GHR: variants seen among roughly 807,000 people sequenced by gnomAD.
GHR encodes growth hormone receptor.
GHR carries 35 observed loss-of-function variants against 67.1 expected under a neutral mutation model. That is an observed-to-expected ratio of 0.52 (90% confidence interval 0.40 to 0.69). The LOEUF (loss-of-function observed/expected upper bound fraction) is 0.69, where lower values mean the gene tolerates loss of function less well. GHR is among the 30% of genes least tolerant of loss of function. The pLI, the probability that GHR is intolerant of heterozygous loss-of-function variation, is 0.00. For synonymous variants in GHR, 272 were observed against 269.1 expected (o/e 1.01, Z -0.10); for missense variants, 792 against 764.6 (o/e 1.04, Z -0.42).
chr5:42,558,007 CA>C, intron 1 of GHR, among the ~76,000 whole-genome samples: 1 of 152,314 alleles, frequency 6.6e-6, no homozygotes, highest in South Asian at 2.1e-4. Context: ...AGCTTAAAAA[CA>C]GCCCTGAGAG....
At chr5:42,443,126 G>A (rs1257509021) in intron 1 of GHR, among the ~76,000 whole-genome samples, 2 of 152,212 alleles carry the variant, frequency 1.3e-5, no homozygotes, top group East Asian at 3.8e-4. Flanking sequence ...TGGGGCTTGA[G>A]TTTCTAAAAG....
intron 1 of GHR, among the ~76,000 whole-genome samples, chr5:42,427,735 G>T (rs1370121235): frequency 6.6e-6 from 1 of 152,184 alleles, no homozygotes; most frequent in African/African-American, 2.4e-5. Flanking sequence ...AAAATCAAAA[G>T]CAAGTTAGTT....
chr5:42,561,359 C>T (rs1366775218), intron 1 of GHR, among the ~76,000 whole-genome samples: 1 of 152,160 alleles, frequency 6.6e-6, no homozygotes, highest in Non-Finnish European at 1.5e-5. Context: ...CTCCATAGTG[C>T]CTTGCTCAGT....
In GHR at chr5:42,592,792, A is replaced by G. The variant is rs149494463; in HGVS notation, c.70+26848A>G. 3.9e-3 allele frequency among the ~76,000 whole-genome samples: 601 copies of G among 152,262 alleles called. 3 individuals carry two copies. The highest frequency in any genetic ancestry group is 0.014 in the African/African-American group (575 of 41,562). ...GATTGTTGGGTAAAATAGCAGTTCT[A>G]TTTTAAGTTATTTGAGAAATCTTCA... On this transcript the variant is annotated intron_variant, in intron 2 of 9. Transcript: ENST00000230882.
intron 8 of GHR, among the ~76,000 whole-genome samples, chr5:42,715,682 T>C (rs1426168697): frequency 6.6e-6 from 1 of 152,234 alleles, no homozygotes; most frequent in Non-Finnish European, 1.5e-5. Flanking sequence ...TATTTTGTTA[T>C]TTTATTTTAA....
chr5:42,658,267 C>T (rs574481741), intron 3 of GHR, among the ~76,000 whole-genome samples: 4 of 152,206 alleles, frequency 2.6e-5, no homozygotes, highest in East Asian at 3.9e-4. Flanking sequence ...GGCAGTGCTA[C>T]CTATGGGAAG....
chr5:42,623,656 C>G (rs1013959614), intron 2 of GHR, among the ~76,000 whole-genome samples: 1 of 152,212 alleles, frequency 6.6e-6, no homozygotes, highest in Non-Finnish European at 1.5e-5. Flanking sequence ...AACAGATATT[C>G]CATTGTTCCT....
chr5:42,679,897 GAAA>G (rs1460077027), intron 3 of GHR, among the ~76,000 whole-genome samples: 1 of 152,108 alleles, frequency 6.6e-6, no homozygotes, highest in African/African-American at 2.4e-5. Flanking sequence ...AGGGGACTTG[GAAA>G]AATAATGATG....
intron 1 of GHR, among the ~76,000 whole-genome samples, chr5:42,563,145 C>G (rs1332347281): frequency 6.6e-6 from 1 of 152,228 alleles, no homozygotes; most frequent in Non-Finnish European, 1.5e-5. Flanking sequence ...CAAACCTGTT[C>G]ACATTCTTGC....
intron 3 of GHR, among the ~76,000 whole-genome samples, chr5:42,666,371 C>G (rs1755978882): frequency 6.6e-6 from 1 of 152,068 alleles, no homozygotes; most frequent in South Asian, 2.1e-4. Flanking sequence ...TGTTAATGAT[C>G]TATCTCTTAC....
intron 1 of GHR, among the ~76,000 whole-genome samples, chr5:42,508,571 T>A (rs1423675562): frequency 6.6e-6 from 1 of 152,018 alleles, no homozygotes; most frequent in African/African-American, 2.4e-5. Flanking sequence ...GCAGGAAGTT[T>A]GTTTGTTTGT....
At chr5:42,480,545 G>A (rs535586652) in intron 1 of GHR, among the ~76,000 whole-genome samples, 5 of 152,246 alleles carry the variant, frequency 3.3e-5, no homozygotes, top group Admixed American at 3.3e-4. Context: ...CGTCACTAAG[G>A]ACTTGCTTTA....
chr5:42,564,890 A>C (rs1241969277), intron 1 of GHR, among the ~76,000 whole-genome samples: 1 of 152,184 alleles, frequency 6.6e-6, no homozygotes, highest in East Asian at 1.9e-4. Context: ...GTTGCAGCTA[A>C]GCTTTAAAGT....
intron 6 of GHR, among the ~76,000 whole-genome samples, chr5:42,705,892 T>TC (rs1299188312): frequency 6.6e-6 from 1 of 152,140 alleles, no homozygotes; most frequent in African/African-American, 2.4e-5. Flanking sequence ...TGGTTTATAT[T>TC]CCTTCAGGTA....
intron 1 of GHR, among the ~76,000 whole-genome samples, chr5:42,528,239 A>G (rs537815890): frequency 6.6e-6 from 1 of 152,310 alleles, no homozygotes; most frequent in Admixed American, 6.5e-5. Flanking sequence ...TAAGAAAAAT[A>G]CATTAAAAAC....
intron 1 of GHR, among the ~76,000 whole-genome samples, chr5:42,435,318 C>T (rs1372761022): frequency 2.0e-5 from 3 of 152,070 alleles, no homozygotes; most frequent in African/African-American, 7.2e-5. Context: ...ATTATTGTCA[C>T]ATAGTAAAAA....
intron 1 of GHR, chr5:42,549,742 T>C: frequency 2.5e-6 from 2 of 792,466 alleles, no homozygotes; most frequent in Non-Finnish European, 3.1e-6. Flanking sequence ...GATGTACCTC[T>C]CTAAAAGTAC....
chr5:42,623,321 T>C (rs1013442106), intron 2 of GHR, among the ~76,000 whole-genome samples: 2 of 152,200 alleles, frequency 1.3e-5, no homozygotes, highest in Non-Finnish European at 1.5e-5. Context: ...TCTTGGTAAG[T>C]ACACTGTGAG....
In GHR at chr5:42,561,039, A is replaced by G. The variant is rs766952718; in HGVS notation, c.-11-4825A>G. Reference sequence around the variant, plus strand: ...TAATTTTAGGCCCTTTTATTCGTGAATTTGAACCTTGTTCTCTATTCACCA... The same window carrying G: ...TAATTTTAGGCCCTTTTATTCGTGAGTTTGAACCTTGTTCTCTATTCACCA... On this transcript the variant is annotated intron_variant, in intron 1 of 9. Transcript: ENST00000230882. Among the ~76,000 whole-genome samples the G allele has an allele frequency of 6.6e-5, 10 of 152,206 alleles. No individual in the cohort carries two copies. In the South Asian group the frequency reaches 1.4e-3, roughly 22 times the overall value.
Sources: allele counts gnomAD v4.1 joint callset (sites outside exome capture counted in the v4.1 genomes callset), GRCh38; gene constraint gnomAD v4.1.1; transcripts MANE v1.5; gene names NCBI Gene and HGNC (gene_info 2026-07-23, HGNC 2026-07-21).